The following SPTA1 variants were observed in gnomAD, a reference collection of about 807,000 sequenced individuals.
SPTA1 encodes the protein spectrin alpha, erythrocytic 1, also known as spectrin alpha chain, erythrocytic 1.
SPTA1 carries 177 observed loss-of-function variants against 324.7 expected under a neutral mutation model. That is an observed-to-expected ratio of 0.55 (90% CI 0.48 to 0.62). The LOEUF (loss-of-function observed/expected upper bound fraction) is 0.62. Among genes scored for constraint, SPTA1 ranks in the 20% least tolerant of loss-of-function variants. The pLI is 0.00. For synonymous variants in SPTA1, 1,195 were observed against 1,041.3 expected (o/e 1.15, Z -2.84); for missense variants, 3,162 against 2,883.6 (o/e 1.10, Z -2.21).
At chr1:158,636,083 A>G (rs1461731602) in intron 37 of SPTA1, 49 bp from the exon 38 acceptor site, 2 of 1,613,846 alleles carry the variant, frequency 1.2e-6, no homozygotes. Flanking sequence ...ATCTCTCCCC[A>G]TTTAGCCATA....
intron 14 of SPTA1, among the ~76,000 whole-genome samples, 181 bp from the exon 15 acceptor site, chr1:158,668,243 T>G (rs187196286): frequency 2.8e-4 from 43 of 152,296 alleles, no homozygotes; most frequent in Admixed American, 2.6e-3. Flanking sequence ...TCTTTCTACA[T>G]GTGGCAGACA....
chr1:158,648,785 C>A, intron 25 of SPTA1, 132 bp from the exon 26 acceptor site: 1 of 939,042 alleles, frequency 1.1e-6, no homozygotes, highest in South Asian at 1.4e-5. Flanking sequence ...AACCAATTAT[C>A]ATCATTGTTT....
At chr1:158,680,548 C>G in intron 5 of SPTA1, 35 bp downstream of exon 5, 1 of 1,613,212 alleles carries the variant, frequency 6.2e-7, no homozygotes, top group Non-Finnish European at 8.5e-7. Context: ...GATAAGAACC[C>G]TTTGCACGGA....
intron 33 of SPTA1, among the ~76,000 whole-genome samples, chr1:158,641,534 A>G: frequency 6.6e-6 from 1 of 152,252 alleles, no homozygotes; most frequent in Non-Finnish European, 1.5e-5. Context: ...GAAGACATTT[A>G]TGCAGCCAAA....
rs552359305 is a variant in SPTA1, at chr1:158,677,072, C to A, written c.957+618G>T. On this transcript the variant is annotated intron_variant, in intron 7 of 51. Transcript: ENST00000643759. The stretch of plus-strand genomic sequence containing the variant: ...AAATGTGGATCTTTCTGTGGGCTGA[C>A]TCCCCTGTGCACTCTCAGTAGTAAT... Among the ~76,000 whole-genome samples the A allele has an allele frequency of 1.3e-5, 2 of 152,252 alleles. 1 individual carries two copies. Among genetic ancestry groups the A allele is most frequent in the South Asian group, 4.1e-4 (2 of 4,830 alleles).
Position 158,642,395 on chromosome 1 carries a change from T to C in SPTA1, c.4737+16A>G. ...TTCATGTGACTTTGTAGCCCAAAAC[T>C]CATCCTGAGCTTTACCTTCATGGCC... On this transcript the variant is annotated intron_variant, in intron 33 of 51. Transcript: ENST00000643759. 2 of 1,612,328 alleles carry C rather than the reference T, an allele frequency of 1.2e-6. No homozygotes were observed.
chr1:158,644,284 C>G lies in SPTA1; in HGVS notation c.4307G>C (p.Arg1436Pro). ...AGTGATTGCTTTGTCCAAATCGTCC[C>G]GTTTCTTCATCAAAGCCTCCAGACT... is the stretch of plus-strand genomic sequence containing the variant. ...LDSLEALMKK[R>P]DDLDKAITAQ... The change falls in exon 30 of 52, where the codon CGG (arginine) becomes CCG (proline). Residue 1436 changes from arginine to proline, a missense_variant. By Grantham distance (103) the Arg-to-Pro change is moderately radical. Coordinates refer to ENST00000643759, the MANE Select transcript of SPTA1 (RefSeq NM_003126.4). 1.2e-6 allele frequency: 2 copies of G among 1,613,834 alleles called. No homozygotes were observed. The highest frequency in any genetic ancestry group is 1.7e-6 in the Non-Finnish European group (2 of 1,179,876).
chr1:158,645,442 TTAG>T, intron 28 of SPTA1, 50 bp downstream of exon 28: 1 of 1,613,902 alleles, frequency 6.2e-7, no homozygotes, highest in South Asian at 1.1e-5. Context: ...AATTTTAAAA[TTAG>T]TAGAGGTTTC....
In SPTA1 at chr1:158,640,982, C is replaced by G. The variant is rs1651517779; in HGVS notation, c.4738-975G>C. ...AGAGATATAGACCAACGGAACAGAACAGAGCCCTCAGAAATAATGCTGCTT... is the reference window on the plus strand; with the variant it reads ...AGAGATATAGACCAACGGAACAGAAGAGAGCCCTCAGAAATAATGCTGCTT... On this transcript the variant is annotated intron_variant, in intron 33 of 51. Coordinates refer to ENST00000643759, the MANE Select transcript of SPTA1 (RefSeq NM_003126.4). Among the ~76,000 whole-genome samples, 6 of 152,236 alleles carry G rather than the reference C, an allele frequency of 3.9e-5. 1 individual carries two copies. Among genetic ancestry groups the G allele is most frequent in the African/African-American group, 1.4e-4 (6 of 41,518 alleles).
chr1:158,639,476 A>G, intron 35 of SPTA1, 106 bp downstream of exon 35: 2 of 1,181,454 alleles, frequency 1.7e-6, no homozygotes, highest in Non-Finnish European at 2.5e-6. Context: ...AACACTAAGA[A>G]CAATTTTGCA....
intron 36 of SPTA1, among the ~76,000 whole-genome samples, chr1:158,637,704 G>A (rs1376650219): frequency 1.3e-5 from 2 of 152,206 alleles, no homozygotes; most frequent in African/African-American, 4.8e-5. Flanking sequence ...ACAAGGTTCT[G>A]ATCAGCTGTG....
chr1:158,682,615 G>A (rs1654891365), intron 3 of SPTA1, among the ~76,000 whole-genome samples: 1 of 152,046 alleles, frequency 6.6e-6, no homozygotes, highest in South Asian at 2.1e-4. Flanking sequence ...AGAAAGGCCA[G>A]ACCCAGTTTT....
Position 158,651,880 on chromosome 1 carries a change from G to GCTCT in SPTA1, c.3376-416_3376-413dup, listed in dbSNP as rs60287443. Among the ~76,000 whole-genome samples, 270 of 149,378 alleles carry GCTCT rather than the reference G, an allele frequency of 1.8e-3. 2 individuals are homozygous for GCTCT. Among genetic ancestry groups the GCTCT allele is most frequent in the African/African-American group, 6.5e-3 (263 of 40,172 alleles). ...ATTGTAAGAAACAGCTCTAGGGAGT[G>GCTCT]CTCTCTCTCTCTCTCTCTCTCTCTC... On this transcript the variant is annotated intron_variant, in intron 23 of 51. Coordinates refer to ENST00000643759, the MANE Select transcript of SPTA1 (RefSeq NM_003126.4).
chr1:158,620,433 C>A lies in SPTA1; in HGVS notation c.6154G>T (p.Ala2052Ser). Residue 2052 changes from alanine (A) to serine (S), a missense_variant, in exon 44 of 52, where the codon GCT becomes TCT. Transcript: ENST00000643759. Reference sequence around the variant, plus strand: ...TCACACCAGTTGTTCAAAGCTGAAGCCTTATGTGCAAATTCCACGAACAGG... The same window carrying A: ...TCACACCAGTTGTTCAAAGCTGAAGACTTATGTGCAAATTCCACGAACAGG... The part of the protein sequence containing the change: ...EDLFVEFAHK[A>S]SALNNWCEKM... The A allele has an allele frequency of 6.2e-7, 1 of 1,613,360 alleles. No individual in the cohort carries two copies. Among genetic ancestry groups the A allele is most frequent in the South Asian group, 1.1e-5 (1 of 91,040 alleles).
At chr1:158,621,405 C>A (rs1649903625) in intron 43 of SPTA1, among the ~76,000 whole-genome samples, 1 of 152,154 alleles carries the variant, frequency 6.6e-6, no homozygotes, top group Non-Finnish European at 1.5e-5. Context: ...ACCCTGTACT[C>A]ATTTCAGCAA....
In SPTA1 at chr1:158,626,870, G is replaced by A; in HGVS notation, c.5802C>T (p.Asn1934=). 2 of 1,613,786 alleles carry A rather than the reference G, an allele frequency of 1.2e-6. No individual in the cohort carries two copies. The highest frequency in any genetic ancestry group is 1.7e-6 in the Non-Finnish European group (2 of 1,179,774). ...AAGCCTCTACCACATCAGCCTTCCA[G>A]TTGAATTCCTGAAAGGCATAATCGT... ...LEDDYAFQEF[N]WKADVVEAWI... Residue 1934 remains asparagine, a synonymous_variant, in exon 41 of 52, where the codon AAC becomes AAT. Coordinates refer to ENST00000643759, the MANE Select transcript of SPTA1 (RefSeq NM_003126.4).
intron 24 of SPTA1, 99 bp from the exon 25 acceptor site, chr1:158,650,046 A>G: frequency 1.2e-6 from 1 of 865,032 alleles, no homozygotes; most frequent in Non-Finnish European, 1.9e-6. Context: ...AGTTGTTTTT[A>G]CGTTATTTTC....
At chr1:158,612,167 A>G (rs1215966605) in intron 51 of SPTA1, 1 of 154,636 alleles carries the variant, frequency 6.5e-6, no homozygotes, top group African/African-American at 2.4e-5. Context: ...TATTAGGAAA[A>G]TCTGTTTTCT....
At chr1:158,613,986 C>A in intron 49 of SPTA1, 119 bp from the exon 50 acceptor site, 1 of 1,169,548 alleles carries the variant, frequency 8.6e-7, no homozygotes, top group Admixed American at 2.1e-5. Flanking sequence ...ACAAAACTAT[C>A]AGAGGACTGA....
Sources: allele counts gnomAD v4.1 joint callset (sites outside exome capture counted in the v4.1 genomes callset), GRCh38; gene constraint gnomAD v4.1.1; transcripts MANE v1.5; gene names NCBI Gene and HGNC (gene_info 2026-07-23, HGNC 2026-07-21).